ERG: variants seen among roughly 807,000 people sequenced by gnomAD.
The protein encoded by ERG is transcriptional regulator ERG.
A neutral mutation model predicts 55.3 loss-of-function variants in ERG; 9 were observed. The ratio of observed to expected loss-of-function variants is 0.16; its 90% CI spans 0.10 to 0.28. The LOEUF is 0.28. Among genes scored for constraint, ERG ranks in the 10% least tolerant of loss-of-function variants. The pLI, the probability that ERG is intolerant of heterozygous loss-of-function variation, is 1.00. For synonymous variants in ERG, 223 were observed against 237.3 expected (o/e 0.94, Z 0.55); for missense variants, 434 against 631.6 (o/e 0.69, Z 3.35).
At chr21:38,548,614 A>ATTTTTT (rs58333375) in intron 2 of ERG, among the ~76,000 whole-genome samples, 1 of 107,182 alleles carries the variant, frequency 9.3e-6, no homozygotes, top group African/African-American at 3.7e-5. Context: ...CGCCCGGCTA[A>ATTTTTT]TTTTTTTTTT....
upstream of ERG, among the ~76,000 whole-genome samples, chr21:38,499,079 T>C (rs911351469): frequency 6.6e-6 from 1 of 152,218 alleles, no homozygotes. Flanking sequence ...TACAACAAAG[T>C]TGTTGAAAAC....
chr21:38,595,254 G>C (rs1330378049), intron 1 of ERG, among the ~76,000 whole-genome samples: 1 of 152,204 alleles, frequency 6.6e-6, no homozygotes, highest in African/African-American at 2.4e-5. Flanking sequence ...ACTACAGGGA[G>C]GGAAGGCCAG....
chr21:38,524,268 C>T (rs2059614990), intron 2 of ERG, among the ~76,000 whole-genome samples: 1 of 152,156 alleles, frequency 6.6e-6, no homozygotes, highest in Non-Finnish European at 1.5e-5. Flanking sequence ...TAATCAGCTG[C>T]CAACACTATG....
At chr21:38,438,718 C>T (rs1251996110) in intron 2 of ERG, among the ~76,000 whole-genome samples, 1 of 152,250 alleles carries the variant, frequency 6.6e-6, no homozygotes, top group Non-Finnish European at 1.5e-5. Flanking sequence ...GCAAGGACTT[C>T]TGGGGAACAA....
intron 2 of ERG, among the ~76,000 whole-genome samples, chr21:38,433,612 A>G (rs1299330206): frequency 6.6e-6 from 1 of 152,228 alleles, no homozygotes; most frequent in Non-Finnish European, 1.5e-5. Flanking sequence ...GAAATGGCAC[A>G]GCCGTGGCCA....
chr21:38,449,278 G>A (rs1477317013), intron 1 of ERG, among the ~76,000 whole-genome samples: 1 of 152,196 alleles, frequency 6.6e-6, no homozygotes, highest in Non-Finnish European at 1.5e-5. Context: ...GTAGCTCCAG[G>A]AAAGTTGGGA....
intron 3 of ERG, among the ~76,000 whole-genome samples, chr21:38,414,967 A>G (rs1989214054): frequency 6.6e-6 from 1 of 152,230 alleles, no homozygotes; most frequent in South Asian, 2.1e-4. Flanking sequence ...TGGGCAACAC[A>G]GTAGATTATT....
chr21:38,418,961 A>G (rs537607631), intron 3 of ERG, among the ~76,000 whole-genome samples: 65 of 151,814 alleles, frequency 4.3e-4, no homozygotes, highest in African/African-American at 1.5e-3. Flanking sequence ...GAAAGAAAGA[A>G]AAAGAAAAAC....
intron 2 of ERG, among the ~76,000 whole-genome samples, chr21:38,444,216 A>G (rs949062675): frequency 6.6e-6 from 1 of 152,218 alleles, no homozygotes; most frequent in Admixed American, 6.5e-5. Flanking sequence ...CAGCTTCAAC[A>G]GAGTGGAAAA....
rs577314869 is a variant in ERG, at chr21:38,518,997, C to T, written c.-41+56665G>A. On this transcript the variant is annotated intron_variant, in intron 2 of 8. Coordinates refer to the ERG transcript ENST00000398897. ...AAAAACAGGGAAGAAACTGCACAGG[C>T]AGTCATAAAAGAGGATATCCAACTG... Among the ~76,000 whole-genome samples the T allele has an allele frequency of 1.8e-3, 274 of 152,276 alleles. 2 individuals carry two copies. Among genetic ancestry groups the T allele is most frequent in the African/African-American group, 6.3e-3 (263 of 41,562 alleles).
At chr21:38,504,526 TA>T (rs2059445833) in intron 2 of ERG, among the ~76,000 whole-genome samples, 1 of 152,262 alleles carries the variant, frequency 6.6e-6, no homozygotes, top group Admixed American at 6.5e-5. Context: ...TTCCAATTAT[TA>T]GGCTTCTCCA....
intron 2 of ERG, among the ~76,000 whole-genome samples, chr21:38,536,016 C>T (rs925891343): frequency 5.9e-5 from 9 of 152,112 alleles, no homozygotes; most frequent in South Asian, 2.1e-4. Flanking sequence ...TTTCTGGACC[C>T]AATCTTGGGT....
chr21:38,572,866 A>G (rs1314587090), intron 2 of ERG, among the ~76,000 whole-genome samples: 1 of 152,238 alleles, frequency 6.6e-6, no homozygotes, highest in Non-Finnish European at 1.5e-5. Context: ...TTGTAGGGAA[A>G]AGAAAGAGAG....
chr21:38,587,053 C>T (rs2060070157), upstream of ERG, among the ~76,000 whole-genome samples: 1 of 152,230 alleles, frequency 6.6e-6, no homozygotes, highest in Non-Finnish European at 1.5e-5. Flanking sequence ...ACACATACTG[C>T]ATCCTCTCAC....
At chr21:38,400,796 G>A (rs941509465) in intron 5 of ERG, 151 bp from the exon 6 acceptor site, 16 of 607,190 alleles carry the variant, frequency 2.6e-5, no homozygotes, top group African/African-American at 3.7e-5. Flanking sequence ...ACAGACAGGT[G>A]CACCTGTCAG....
intron 1 of ERG, among the ~76,000 whole-genome samples, chr21:38,459,391 G>A (rs554289478): frequency 6.6e-6 from 1 of 152,328 alleles, no homozygotes; most frequent in African/African-American, 2.4e-5. Flanking sequence ...TAACAGTTTT[G>A]AAAGTAGTGT....
At chr21:38,599,170 G>C (rs907922381) in intron 1 of ERG, among the ~76,000 whole-genome samples, 5 of 152,082 alleles carry the variant, frequency 3.3e-5, no homozygotes, top group East Asian at 1.9e-4. Flanking sequence ...GAGGCCATGG[G>C]GGGGCACACT....
intron 2 of ERG, chr21:38,575,525 TA>T (rs1568925224): frequency 3.2e-6 from 2 of 633,944 alleles, no homozygotes. Context: ...TTCAACCATT[TA>T]AAAAAGTAAA....
upstream of ERG, among the ~76,000 whole-genome samples, chr21:38,500,689 A>G (rs1334097871): frequency 6.6e-6 from 1 of 152,210 alleles, no homozygotes; most frequent in African/African-American, 2.4e-5. Flanking sequence ...TCTAACTAAT[A>G]AAAATATTGT....
Sources: allele counts gnomAD v4.1 joint callset (sites outside exome capture counted in the v4.1 genomes callset), GRCh38; gene constraint gnomAD v4.1.1; transcripts MANE v1.5; gene names NCBI Gene and HGNC (gene_info 2026-07-23, HGNC 2026-07-21).